Variants in TEX2 observed in about 807,000 individuals in gnomAD.
The protein encoded by TEX2 is testis-expressed protein 2.
TEX2 carries 53 observed loss-of-function variants against 106.9 expected under a neutral mutation model. The ratio of observed to expected loss-of-function variants is 0.50; its 90% CI spans 0.40 to 0.62. The LOEUF (loss-of-function observed/expected upper bound fraction) is 0.62. TEX2 is among the 20% of genes least tolerant of loss of function. The pLI, the probability that TEX2 is intolerant of heterozygous loss-of-function variation, is 0.00. For synonymous variants in TEX2, 523 were observed against 534.8 expected (o/e 0.98, Z 0.30); for missense variants, 1,207 against 1,379.0 (o/e 0.88, Z 1.98).
chr17:64,214,077 TTCC>T lies in TEX2; in HGVS notation c.138_140del (p.Glu51del), dbSNP rs782264894. The T allele has an allele frequency of 1.2e-6, 2 of 1,613,846 alleles. No homozygotes were observed. Among genetic ancestry groups the T allele is most frequent in the East Asian group, 2.2e-5 (1 of 44,894 alleles). On this transcript the variant is annotated inframe_deletion, in exon 2 of 12. Coordinates refer to ENST00000584379, the MANE Select transcript of TEX2 (RefSeq NM_001288732.2). ...AGTACTCCCTGAACTCCTCCTCCTC[TTCC>T]TCCTCCTCCTCGCCGGATGCCGAGA...
At position 64,217,217 on chromosome 17, in the gene TEX2, G is replaced by A. The variant is rs1326842154; in HGVS notation, c.-25-2975C>T. ...TGGGCTCTAGACAACCTATCAAGTG[G>A]TCACTGCCTCTGCCTCCTCCTGGGG... On this transcript the variant is annotated intron_variant, in intron 1 of 11. Coordinates refer to ENST00000584379, the MANE Select transcript of TEX2 (RefSeq NM_001288732.2). This position sits in a 1 kb window ranked among gnomAD's most constrained non-coding sequence, Gnocchi z 4.3. Among the ~76,000 whole-genome samples the A allele has an allele frequency of 1.3e-5, 2 of 152,142 alleles. No individual in the cohort carries two copies. Among genetic ancestry groups the A allele is most frequent in the East Asian group, 3.9e-4 (2 of 5,190 alleles).
chr17:64,231,145 T>C (rs1555634565), intron 1 of TEX2, among the ~76,000 whole-genome samples: 1 of 152,148 alleles, frequency 6.6e-6, no homozygotes, highest in Non-Finnish European at 1.5e-5. Flanking sequence ...GGCATCAACT[T>C]GGCCTCCTCA....
intron 7 of TEX2, among the ~76,000 whole-genome samples, chr17:64,163,558 G>A (rs1326214403): frequency 1.3e-5 from 2 of 152,230 alleles, no homozygotes; most frequent in Non-Finnish European, 2.9e-5. Context: ...TTAGCATTAA[G>A]TGTAGGAGAA....
intron 1 of TEX2, among the ~76,000 whole-genome samples, chr17:64,235,597 T>C (rs2143352256): frequency 6.6e-6 from 1 of 152,254 alleles, no homozygotes; most frequent in East Asian, 1.9e-4. Flanking sequence ...GATAGGCCCC[T>C]CAAAACTTGT....
chr17:64,181,848 A>C (rs1450328890), intron 5 of TEX2, among the ~76,000 whole-genome samples: 2 of 138,010 alleles, frequency 1.4e-5, no homozygotes, highest in Non-Finnish European at 1.5e-5. Context: ...TTACAGTTTT[A>C]CTTAGATATA....
At chr17:64,245,258 T>C (rs1028435025) in intron 1 of TEX2, among the ~76,000 whole-genome samples, 3 of 152,234 alleles carry the variant, frequency 2.0e-5, no homozygotes, top group African/African-American at 7.2e-5. Context: ...TTTGCTATAA[T>C]TTGACAATTC....
chr17:64,213,964 G>A lies in TEX2; in HGVS notation c.254C>T (p.Pro85Leu), dbSNP rs2033108575. 7 of 1,614,076 alleles carry A rather than the reference G, an allele frequency of 4.3e-6. No individual in the cohort carries two copies. The South Asian group carries it at 6.6e-5, about 15-fold the overall frequency. The change falls in exon 2 of 12, where the codon CCC (proline) becomes CTC (leucine). Residue 85 changes from proline to leucine, a missense_variant. Pro to Leu is a moderately conservative substitution (Grantham distance 98). Around this residue, in one of 3 missense-constraint regions of TEX2, gnomAD observed 1,067 missense variants for 1,193.6 expected, o/e 0.89. Coordinates refer to ENST00000584379, the MANE Select transcript of TEX2 (RefSeq NM_001288732.2). The surrounding 1 kb of genome is among the most constrained non-coding windows in gnomAD (Gnocchi z 4.4). ...GACAGGCGAGGCAGCAGGGCCGGCG[G>A]GGTCATGGCCAACTTGGGGTTCAAG... ...LYLEPQVGHD[P>L]AGPAASPVLA...
intron 8 of TEX2, among the ~76,000 whole-genome samples, chr17:64,158,877 T>C (rs1052697764): frequency 6.6e-6 from 1 of 152,146 alleles, no homozygotes; most frequent in Non-Finnish European, 1.5e-5. Context: ...AAACAAATGA[T>C]AGCCAACTAC....
chr17:64,210,606 T>C (rs1366415935), intron 2 of TEX2, among the ~76,000 whole-genome samples: 1 of 146,642 alleles, frequency 6.8e-6, no homozygotes, highest in Non-Finnish European at 1.5e-5. Flanking sequence ...TTATTTTGGA[T>C]CCTAAAAGAA....
At chr17:64,223,020 A>G (rs1434546464) in intron 1 of TEX2, among the ~76,000 whole-genome samples, 2 of 152,192 alleles carry the variant, frequency 1.3e-5, no homozygotes, top group African/African-American at 4.8e-5. Flanking sequence ...AAGACTGAGA[A>G]AGCCTCTAAT....
intron 1 of TEX2, among the ~76,000 whole-genome samples, chr17:64,240,675 C>G (rs939312721): frequency 1.4e-4 from 21 of 152,302 alleles, no homozygotes; most frequent in Middle Eastern, 3.4e-3. Context: ...TACAAAATTC[C>G]TGGCATAAGT....
At chr17:64,191,169 G>A (rs1041247648) in intron 4 of TEX2, among the ~76,000 whole-genome samples, 8 of 152,200 alleles carry the variant, frequency 5.3e-5, no homozygotes, top group East Asian at 1.9e-4. Flanking sequence ...GACATTAGTG[G>A]TGTGTGAGCC....
chr17:64,257,291 T>G (rs1384513734), intron 1 of TEX2, among the ~76,000 whole-genome samples: 3 of 152,356 alleles, frequency 2.0e-5, no homozygotes, highest in Middle Eastern at 3.4e-3. Flanking sequence ...TAGTCCCATT[T>G]ATGCTCACAG....
chr17:64,216,108 AATCCAGGAAAAGGGAATGATCTCT>A (rs1262751128), intron 1 of TEX2, among the ~76,000 whole-genome samples: 8 of 152,342 alleles, frequency 5.3e-5, no homozygotes, highest in African/African-American at 1.9e-4. Flanking sequence ...TCCTATCCTG[AATCCAGGAAAAGGGAATGATCTCT>A]ATCCACCAAC....
intron 2 of TEX2, among the ~76,000 whole-genome samples, chr17:64,199,501 T>A (rs1404009604): frequency 2.6e-5 from 4 of 152,178 alleles, no homozygotes; most frequent in Non-Finnish European, 5.9e-5. Flanking sequence ...CCTCCCAAAG[T>A]GCTGGGATTA....
At chr17:64,189,676 C>T (rs911783857) in intron 4 of TEX2, among the ~76,000 whole-genome samples, 1 of 152,006 alleles carries the variant, frequency 6.6e-6, no homozygotes, top group African/African-American at 2.4e-5. Flanking sequence ...CCAGGTGAAA[C>T]GTAAAGTGGT....
chr17:64,177,509 A>G, intron 5 of TEX2, 38 bp from the exon 6 acceptor site: 1 of 1,605,588 alleles, frequency 6.2e-7, no homozygotes, highest in Non-Finnish European at 8.5e-7. Context: ...GCTAGAAAGC[A>G]ACTGGAGAAT....
intron 7 of TEX2, among the ~76,000 whole-genome samples, chr17:64,167,200 G>A (rs2031177380): frequency 6.6e-6 from 1 of 152,194 alleles, no homozygotes. Context: ...CATGGCCATT[G>A]TGTGCGATTT....
At chr17:64,230,427 C>T (rs1343315137) in intron 1 of TEX2, among the ~76,000 whole-genome samples, 8 of 152,206 alleles carry the variant, frequency 5.3e-5, no homozygotes, top group African/African-American at 9.7e-5. Context: ...CTGACCTGGC[C>T]GGCTGGCCAC....
Sources: allele counts gnomAD v4.1 joint callset (sites outside exome capture counted in the v4.1 genomes callset), GRCh38; gene constraint gnomAD v4.1.1; regional missense constraint gnomAD v4.1.1; non-coding constraint Gnocchi (gnomAD v3.1); transcripts MANE v1.5; gene names NCBI Gene and HGNC (gene_info 2026-07-23, HGNC 2026-07-21).